The following CDK11A variants were observed in gnomAD, a reference collection of about 807,000 sequenced individuals.
CDK11A encodes cyclin dependent kinase 11A.
In CDK11A, 55 loss-of-function variants were observed where a neutral mutation model predicts 83.6. That is an observed-to-expected ratio of 0.66 (90% CI 0.53 to 0.82). The LOEUF (loss-of-function observed/expected upper bound fraction) is 0.82. CDK11A is among the 40% of genes least tolerant of loss of function. The pLI, the probability that CDK11A is intolerant of heterozygous loss-of-function variation, is 0.00. For missense variants in CDK11A, 564 were observed against 810.1 expected, an observed-to-expected ratio of 0.70 and a Z score of 3.69; for synonymous variants, 247 against 302.7, an observed-to-expected ratio of 0.82 and a Z score of 1.91.
intron 19 of CDK11A, 27 bp downstream of exon 19, chr1:1,703,047 CTGTGGG>C: frequency 2.5e-6 from 1 of 405,964 alleles, no homozygotes; most frequent in Non-Finnish European, 4.2e-6. Context: ...CCAGCCCCAC[CTGTGGG>C]CACGCCCCAC....
At position 1,706,479 on chromosome 1, in the gene CDK11A, GT is replaced by G. The variant is rs1232104628; in HGVS notation, c.1246-748del. Among the ~76,000 whole-genome samples, 11 of 151,300 alleles carry G rather than the reference GT, an allele frequency of 7.3e-5. 2 individuals carry two copies. The highest frequency in any genetic ancestry group is 2.7e-4 in the African/African-American group (11 of 41,152). On this transcript the variant is annotated intron_variant, in intron 11 of 19. Transcript: ENST00000404249. ...TGGGAGGATTGTTTGAGCCTGGGAG[GT>G]GGAGGCTCCAGTGAGCTATGATTAA...
intron 3 of CDK11A, among the ~76,000 whole-genome samples, chr1:1,720,271 T>C (rs1644856050): frequency 6.7e-6 from 1 of 149,814 alleles, no homozygotes; most frequent in African/African-American, 2.5e-5. Flanking sequence ...ATTTTTTTTG[T>C]ATTTTTTAGT....
rs1462432910 is a variant in CDK11A at position 1,721,639 on chromosome 1, T to G, written c.184A>C (p.Ile62Leu). Residue 62 changes from isoleucine (I) to leucine (L), a missense_variant, in exon 3 of 20, where the codon ATA (isoleucine) becomes CTA (leucine). Transcript: ENST00000404249. ...TCTCTTCTATACGGGGAGTTCCTTA[T>G]TGTGATCTCCATGCAGTGATCTCTC... The part of the protein sequence containing the change: ...ELRDHCMEIT[I>L]RNSPYRREDS... The G allele has an allele frequency of 6.2e-7, 1 of 1,606,940 alleles. No homozygotes were observed. The highest frequency in any genetic ancestry group is 8.5e-7 in the Non-Finnish European group (1 of 1,174,664).
intron 6 of CDK11A, among the ~76,000 whole-genome samples, chr1:1,710,551 T>G (rs1273282430): frequency 1.8e-5 from 2 of 111,270 alleles, no homozygotes; most frequent in Admixed American, 2.1e-4. Flanking sequence ...AAATGTCCAT[T>G]TTTTTGACTA....
At chr1:1,706,804 G>A (rs1189759939) in intron 11 of CDK11A, among the ~76,000 whole-genome samples, 1 of 150,598 alleles carries the variant, frequency 6.6e-6, no homozygotes, top group Non-Finnish European at 1.5e-5. Context: ...GTCGACAGAG[G>A]CCTGCTGCAT....
intron 3 of CDK11A, among the ~76,000 whole-genome samples, chr1:1,720,854 G>A (rs1365034573): frequency 6.6e-6 from 1 of 151,130 alleles, no homozygotes; most frequent in Non-Finnish European, 1.5e-5. Flanking sequence ...ACCATGCCAG[G>A]CTAATTTTTG....
In CDK11A at chr1:1,707,424, G is replaced by C; in HGVS notation, c.1230C>G (p.Tyr410Ter). 6.2e-7 allele frequency: 1 copy of C among 1,608,104 alleles called. No individual in the cohort carries two copies. Among genetic ancestry groups the C allele is most frequent in the Non-Finnish European group, 8.5e-7 (1 of 1,176,158 alleles). The change falls in exon 11 of 20, where the codon TAC becomes TAG. Residue 410 changes from tyrosine (Y) to a stop codon, truncating the protein, a stop_gained. Transcript: ENST00000404249. LOFTEE classifies it high-confidence loss of function. ...AGGGCCTGACCTGCAGGGCCGGCAG[G>C]TACTTGGGCAGCTCCTGCTTGAGCT... is the stretch of plus-strand genomic sequence containing the variant. ...PIELKQELPK[Y>*]LPALQGCRSV...
chr1:1,704,087 G>T lies in CDK11A; in HGVS notation c.1746C>A (p.Val582=). Residue 582 remains valine, a synonymous_variant, in exon 16 of 20, where the codon GTC becomes GTA. Coordinates refer to ENST00000404249, the MANE Select transcript of CDK11A (RefSeq NM_024011.4). ...YGSPLKAYTP[V]VVTQWYRAPE... ...GGGCGCGGTACCACTGGGTCACCAC[G>T]ACCGGGGTGTAGGCCTTCAGAGGGG... The T allele has an allele frequency of 1.3e-6, 2 of 1,598,724 alleles. No homozygotes were observed. The highest frequency in any genetic ancestry group is 1.1e-5 in the South Asian group (1 of 89,392).
At chr1:1,717,172 G>T (rs923613051) in intron 4 of CDK11A, among the ~76,000 whole-genome samples, 26 of 151,080 alleles carry the variant, frequency 1.7e-4, no homozygotes, top group Non-Finnish European at 3.0e-4. Flanking sequence ...TCACAGAAGA[G>T]AATTGTAATA....
intron 1 of CDK11A, among the ~76,000 whole-genome samples, chr1:1,723,103 G>A (rs1476384737): frequency 6.8e-5 from 2 of 29,246 alleles, no homozygotes; most frequent in Admixed American, 1.1e-3. Context: ...GTGGTGGCGC[G>A]TGCCTGTATT....
At chr1:1,722,591 C>T (rs1435084765) in intron 2 of CDK11A, 117 bp downstream of exon 2, 1 of 359,922 alleles carries the variant, frequency 2.8e-6, no homozygotes, top group Non-Finnish European at 5.5e-6. Flanking sequence ...GGCTCACCTG[C>T]GACATTTGGA....
intron 13 of CDK11A, 30 bp downstream of exon 13, chr1:1,704,874 C>A: frequency 1.2e-6 from 2 of 1,606,908 alleles, no homozygotes; most frequent in Non-Finnish European, 1.7e-6. Context: ...GCCTTCCACC[C>A]GGGGCCAGGC....
intron 17 of CDK11A, 77 bp from the exon 18 acceptor site, chr1:1,703,701 A>G: frequency 1.3e-6 from 2 of 1,534,716 alleles, no homozygotes; most frequent in Non-Finnish European, 1.8e-6. Context: ...AGAGAAGACA[A>G]GCCACCAGGA....
rs1261946594 is a variant in CDK11A, at chr1:1,702,948, C to G, written c.2302G>C (p.Gly768Arg). 2.1e-6 allele frequency: 1 copy of G among 484,614 alleles called. No homozygotes were observed. Among genetic ancestry groups the G allele is most frequent in the Non-Finnish European group, 3.6e-6 (1 of 276,462 alleles). 30.0% of individuals were successfully genotyped at this position (484,614 alleles called of 1,614,324 possible). The change falls in exon 20 of 20, where the codon GGG becomes CGG. Residue 768 changes from glycine to arginine, a missense_variant. Coordinates refer to ENST00000404249, the MANE Select transcript of CDK11A (RefSeq NM_024011.4). The part of the protein sequence containing the change: ...TGFHLTTTNQ[G>R]ASAAGPGFSL... ...AAGCCGGGGCCCGCGGCAGAGGCCC[C>G]CTGGTTCGTGGTGGTAAGGTGGAAG... is the stretch of plus-strand genomic sequence containing the variant.
chr1:1,710,669 C>G (rs1644466247), intron 6 of CDK11A, among the ~76,000 whole-genome samples: 1 of 150,752 alleles, frequency 6.6e-6, no homozygotes, highest in South Asian at 2.1e-4. Context: ...GTAGATGTCC[C>G]AGACAAAGAT....
chr1:1,707,383 G>C (rs754670525), intron 11 of CDK11A, 26 bp downstream of exon 11: 4 of 1,603,526 alleles, frequency 2.5e-6, no homozygotes, highest in Non-Finnish European at 2.6e-6. Flanking sequence ...TGCGGACAGC[G>C]GCCCGGGGCG....
rs557268820 is a variant in CDK11A, at chr1:1,715,845, A to G, written c.488+501T>C. On this transcript the variant is annotated intron_variant, in intron 5 of 19. Coordinates refer to ENST00000404249, the MANE Select transcript of CDK11A (RefSeq NM_024011.4). ...TCTTTCTTGGGAATCTGGCTCATAA[A>G]GGGGAACGAATATACAGACTAATGG... Among the ~76,000 whole-genome samples the G allele has an allele frequency of 6.6e-4, 100 of 151,008 alleles. 4 individuals are homozygous for G. Among genetic ancestry groups the G allele is most frequent in the Non-Finnish European group, 1.1e-3 (72 of 67,582 alleles).
At chr1:1,718,522 A>G (rs1161776163) in intron 4 of CDK11A, among the ~76,000 whole-genome samples, 3 of 138,868 alleles carry the variant, frequency 2.2e-5, no homozygotes, top group Non-Finnish European at 4.6e-5. Context: ...GCTTTCAGCT[A>G]GAGTTTGCTC....
intron 2 of CDK11A, 175 bp from the exon 3 acceptor site, chr1:1,721,886 C>T: frequency 1.3e-6 from 1 of 766,054 alleles, no homozygotes; most frequent in Non-Finnish European, 1.8e-6. Context: ...TGCAGTGGCT[C>T]ACGCTTGTTA....
Sources: gnomAD v4.1 joint callset for allele counts (sites outside exome capture counted in the v4.1 genomes callset) on GRCh38, gnomAD v4.1.1 for gene constraint, MANE v1.5 for transcripts, NCBI Gene and HGNC (gene_info 2026-07-23, HGNC 2026-07-21) for gene names.